The following ANK2 variants were observed in gnomAD, a reference collection of about 807,000 sequenced individuals.
ANK2 encodes the protein ankyrin-2.
In ANK2, 83 loss-of-function variants were observed where a neutral mutation model predicts 360.5. The observed-to-expected ratio is 0.23, with a 90% CI of 0.19 to 0.28. ANK2 has a LOEUF of 0.28. Ranked by LOEUF, ANK2 falls within the 10% of genes least tolerant of loss-of-function variation. ANK2 has a pLI of 1.00. For synonymous variants in ANK2, 1,740 were observed against 1,759.5 expected, an observed-to-expected ratio of 0.99 and a Z score of 0.28; for missense variants, 4,201 against 4,795.7, an observed-to-expected ratio of 0.88 and a Z score of 3.66.
chr4:112,817,634 CAT>C (rs908522542), upstream of ANK2, among the ~76,000 whole-genome samples: 1 of 151,338 alleles, frequency 6.6e-6, no homozygotes, highest in African/African-American at 2.4e-5. Flanking sequence ...ATGACTTAAA[CAT>C]ATATATATGT....
intron 26 of ANK2, among the ~76,000 whole-genome samples, chr4:113,319,788 A>T (rs1276109220): frequency 1.3e-5 from 2 of 152,130 alleles, no homozygotes; most frequent in South Asian, 2.1e-4. Flanking sequence ...TTGCTTTTTT[A>T]AAAAAAGAAA....
chr4:112,829,407 G>C (rs2059167838), intron 1 of ANK2, among the ~76,000 whole-genome samples: 1 of 147,932 alleles, frequency 6.8e-6, no homozygotes, highest in Admixed American at 6.9e-5. Context: ...TATAATCCCA[G>C]CACTTTGGGA....
intron 1 of ANK2, among the ~76,000 whole-genome samples, chr4:112,834,280 T>C (rs2060512541): frequency 6.6e-6 from 1 of 152,192 alleles, no homozygotes; most frequent in Non-Finnish European, 1.5e-5. Flanking sequence ...ATTTAAAAAA[T>C]GTTCTTAGAG....
chr4:113,040,235 C>T (rs1460501137), intron 2 of ANK2, among the ~76,000 whole-genome samples: 2 of 151,994 alleles, frequency 1.3e-5, no homozygotes, highest in Non-Finnish European at 1.5e-5. Flanking sequence ...TTTTGTTATT[C>T]TTCAGTGAAA....
At chr4:113,113,278 G>C (rs904597205) in intron 1 of ANK2, among the ~76,000 whole-genome samples, 2 of 152,004 alleles carry the variant, frequency 1.3e-5, no homozygotes, top group Admixed American at 6.6e-5. Context: ...ATTTGTGGTA[G>C]AGTGACGATA....
chr4:113,258,514 C>A, intron 13 of ANK2, 103 bp downstream of exon 13: 1 of 1,158,764 alleles, frequency 8.6e-7, no homozygotes, highest in Non-Finnish European at 1.3e-6. Flanking sequence ...TCGAAGTAAG[C>A]AACCAAGCTT....
At chr4:112,972,079 C>G (rs982971479) in intron 2 of ANK2, among the ~76,000 whole-genome samples, 3 of 152,038 alleles carry the variant, frequency 2.0e-5, no homozygotes, top group African/African-American at 7.2e-5. Flanking sequence ...CTTGCAAGGG[C>G]AAGAAAAATA....
chr4:113,077,065 G>T (rs1446559120), intron 1 of ANK2, among the ~76,000 whole-genome samples: 1 of 152,034 alleles, frequency 6.6e-6, no homozygotes, highest in Non-Finnish European at 1.5e-5. Flanking sequence ...AACAACTTAT[G>T]TAAATAGATG....
At chr4:112,837,172 C>G (rs973169564) in intron 1 of ANK2, among the ~76,000 whole-genome samples, 2 of 152,218 alleles carry the variant, frequency 1.3e-5, no homozygotes, top group African/African-American at 4.8e-5. Context: ...CCAGCAGCTC[C>G]AGTTCCAGCT....
At chr4:112,919,071 A>G (rs1279352520) in intron 2 of ANK2, among the ~76,000 whole-genome samples, 1 of 152,180 alleles carries the variant, frequency 6.6e-6, no homozygotes, top group Non-Finnish European at 1.5e-5. Context: ...TTTAGGCCTG[A>G]GTAAAGTAGA....
At chr4:113,113,296 T>C (rs2094476520) in intron 1 of ANK2, among the ~76,000 whole-genome samples, 1 of 152,128 alleles carries the variant, frequency 6.6e-6, no homozygotes, top group Non-Finnish European at 1.5e-5. Flanking sequence ...ATATATGCTG[T>C]TCAATTGCAT....
intron 1 of ANK2, among the ~76,000 whole-genome samples, chr4:112,881,081 T>G (rs2076575846): frequency 6.6e-6 from 1 of 152,214 alleles, no homozygotes; most frequent in East Asian, 1.9e-4. Flanking sequence ...TACTACACAT[T>G]TTAGTACTTA....
At chr4:113,361,125 T>C (rs560369536) in intron 39 of ANK2, among the ~76,000 whole-genome samples, 4 of 152,190 alleles carry the variant, frequency 2.6e-5, no homozygotes, top group Non-Finnish European at 5.9e-5. Flanking sequence ...TATTTGAAGA[T>C]TTAGAGAATA....
Position 113,277,907 on chromosome 4 carries a change from G to T in ANK2, c.1754G>T (p.Arg585Leu), listed in dbSNP as rs755757246. 3 of 1,613,906 alleles carry T rather than the reference G, an allele frequency of 1.9e-6. No homozygotes were observed. The highest frequency in any genetic ancestry group is 2.5e-6 in the Non-Finnish European group (3 of 1,179,806). ...SLDVAKLLLQ[R>L]RAAADSAGKN... ...GATGTGGCAAAACTTCTCTTGCAAC[G>T]CCGTGCTGCCGCAGATTCTGCAGGG... The change falls in exon 16 of 46, where the codon CGC becomes CTC. Residue 585 changes from arginine to leucine, a missense_variant. Arg to Leu is a moderately radical substitution (Grantham distance 102). Around this residue, in one of 4 missense-constraint regions of ANK2, gnomAD observed 1,268 missense variants for 1,650.8 expected, o/e 0.77. Coordinates refer to ENST00000357077, the MANE Select transcript of ANK2 (RefSeq NM_001148.6).
At chr4:112,926,308 G>C (rs2092544742) in intron 2 of ANK2, among the ~76,000 whole-genome samples, 1 of 152,166 alleles carries the variant, frequency 6.6e-6, no homozygotes, top group Non-Finnish European at 1.5e-5. Flanking sequence ...GAGCAGCTCA[G>C]AGTCTACTCT....
the ANK2 span, among the ~76,000 whole-genome samples, chr4:112,769,478 C>G: frequency 6.6e-6 from 1 of 152,172 alleles, no homozygotes; most frequent in East Asian, 1.9e-4. Flanking sequence ...TGGAGTCAAC[C>G]TTGGTTTCTC....
At chr4:113,028,399 A>T (rs1475884782) in intron 2 of ANK2, among the ~76,000 whole-genome samples, 1 of 152,212 alleles carries the variant, frequency 6.6e-6, no homozygotes, top group Non-Finnish European at 1.5e-5. Context: ...TCTCTCGTTC[A>T]TGCAACAAAC....
chr4:113,178,752 A>G (rs746385205), intron 2 of ANK2, among the ~76,000 whole-genome samples: 2 of 152,172 alleles, frequency 1.3e-5, no homozygotes, highest in Non-Finnish European at 2.9e-5. Context: ...GTGATGTCTT[A>G]TCAGTCAACT....
At position 113,356,620 on chromosome 4, in the gene ANK2, C is replaced by A. The variant is rs2095796837; in HGVS notation, c.8002C>A (p.Pro2668Thr). The stretch of plus-strand genomic sequence containing the variant: ...GGTGTCTTCCTCCTCAGAAAGTGAA[C>A]CTGAGTTGGCACAGCTTAAAAAAGG... ...RKVSSSSESE[P>T]ELAQLKKGAD... is the part of the protein sequence containing the mutation. The change falls in exon 38 of 46, where the codon CCT (proline) becomes ACT (threonine). Residue 2668 changes from proline (P) to threonine (T), a missense_variant. By Grantham distance (38) the Pro-to-Thr change is conservative. Transcript: ENST00000357077. 6.2e-7 allele frequency: 1 copy of A among 1,614,044 alleles called. No individual in the cohort carries two copies. Among genetic ancestry groups the A allele is most frequent in the African/African-American group, 1.3e-5 (1 of 75,002 alleles).
Sources: allele counts gnomAD v4.1 joint callset (sites outside exome capture counted in the v4.1 genomes callset), GRCh38; gene constraint gnomAD v4.1.1; regional missense constraint gnomAD v4.1.1; transcripts MANE v1.5; gene names NCBI Gene and HGNC (gene_info 2026-07-23, HGNC 2026-07-21).